The following SMC1A variants were observed in gnomAD, a reference collection of about 807,000 sequenced individuals.
SMC1A encodes the protein structural maintenance of chromosomes 1A, also known as structural maintenance of chromosomes protein 1A.
A neutral mutation model predicts 94.5 loss-of-function variants in SMC1A; 4 were observed. The ratio of observed to expected loss-of-function variants is 0.04; its 90% CI spans 0.02 to 0.10. The LOEUF (loss-of-function observed/expected upper bound fraction) is 0.10, where lower values mean the gene tolerates loss of function less well. SMC1A is among the 10% of genes least tolerant of loss of function. SMC1A has a pLI of 1.00. For synonymous variants in SMC1A, 345 were observed against 347.7 expected, an observed-to-expected ratio of 0.99 and a Z score of 0.09; for missense variants, 304 against 989.0, an observed-to-expected ratio of 0.31 and a Z score of 9.29.
chrX:53,387,955 T>A (rs986817440), intron 19 of SMC1A, among the ~76,000 whole-genome samples: 1 of 111,277 alleles, frequency 9.0e-6, no homozygotes. Context: ...ATCAAGCATA[T>A]ATAGCCTGCC....
chrX:53,419,227 G>A (rs782221512), intron 1 of SMC1A, among the ~76,000 whole-genome samples: 18 of 109,291 alleles, frequency 1.6e-4, no homozygotes, highest in Non-Finnish European at 2.5e-4. Flanking sequence ...CCATAGAGAC[G>A]GTATAAGACT....
In SMC1A at chrX:53,421,962, G is replaced by A. The variant is rs2075758786; in HGVS notation, c.109+530C>T. On this transcript the variant is annotated intron_variant, in intron 1 of 24. Transcript: ENST00000322213. ...TTCTAAAGACTGGAGCGCTGGGTCT[G>A]AAATTCAAAAGTGCCGCCTCCAGAG... 3 of 1,210,217 alleles carry A rather than the reference G, an allele frequency of 2.5e-6. No individual in the cohort carries two copies. The East Asian group carries it at 8.9e-5, about 36-fold the overall frequency.
chrX:53,409,532 G>A, intron 7 of SMC1A, 29 bp from the exon 8 acceptor site: 1 of 1,150,863 alleles, frequency 8.7e-7, no homozygotes. Flanking sequence ...ATCATCAGGG[G>A]CTGCACGAGT....
chrX:53,413,883 C>A (rs2075722337), intron 3 of SMC1A, among the ~76,000 whole-genome samples: 1 of 110,326 alleles, frequency 9.1e-6, no homozygotes, highest in East Asian at 2.8e-4. Context: ...TCAAGACCAG[C>A]CTAGCCAAAA....
chrX:53,395,167 ACT>A (rs1411128587), intron 18 of SMC1A, among the ~76,000 whole-genome samples: 1 of 111,364 alleles, frequency 9.0e-6, no homozygotes, highest in East Asian at 2.8e-4. Flanking sequence ...ACATAATGAA[ACT>A]CTGTCTCTAC....
At chrX:53,400,644 A>C (rs1179027046) in intron 15 of SMC1A, among the ~76,000 whole-genome samples, 1 of 111,319 alleles carries the variant, frequency 9.0e-6, no homozygotes, top group Admixed American at 9.6e-5. Context: ...GGATAGTACA[A>C]AAACATGGAG....
intron 19 of SMC1A, among the ~76,000 whole-genome samples, chrX:53,386,759 G>A (rs1173407129): frequency 9.1e-6 from 1 of 109,687 alleles, no homozygotes; most frequent in African/African-American, 3.3e-5. Context: ...AATTAAAGCT[G>A]GAAAAAAAAT....
intron 7 of SMC1A, among the ~76,000 whole-genome samples, chrX:53,410,882 ATG>A (rs2075708779): frequency 1.1e-5 from 1 of 91,229 alleles, no homozygotes; most frequent in Non-Finnish European, 2.1e-5. Context: ...AGCTGAGATC[ATG>A]CCACTGCACT....
intron 15 of SMC1A, among the ~76,000 whole-genome samples, chrX:53,403,359 T>C (rs1266685441): frequency 9.1e-6 from 1 of 110,290 alleles, no homozygotes; most frequent in African/African-American, 3.3e-5. Context: ...AATCCAGGAA[T>C]CCAGAAAATC....
At position 53,405,011 on chromosome X, in the gene SMC1A, C is replaced by T; in HGVS notation, c.2196+1G>A. The T allele has an allele frequency of 8.4e-7, 1 of 1,197,458 alleles. No individual in the cohort carries two copies. The highest frequency in any genetic ancestry group is 1.1e-6 in the Non-Finnish European group (1 of 888,894). On this transcript the variant is annotated splice_donor_variant, in intron 13 of 24. Transcript: ENST00000322213. LOFTEE classifies it high-confidence loss of function. Reference sequence around the variant, plus strand: ...GAACAGGGCTGAAGGCCAGGCCCCACCTGCAGATTCAGGGCTAGATGTCGT... The same window carrying T: ...GAACAGGGCTGAAGGCCAGGCCCCATCTGCAGATTCAGGGCTAGATGTCGT...
intron 9 of SMC1A, among the ~76,000 whole-genome samples, chrX:53,407,705 T>G (rs12862053): frequency 9.0e-6 from 1 of 111,367 alleles, no homozygotes; most frequent in Non-Finnish European, 1.9e-5. Flanking sequence ...AGAGCTGAAG[T>G]GAATTATAGG....
chrX:53,421,614 A>G (rs2075756279), intron 1 of SMC1A, among the ~76,000 whole-genome samples: 1 of 111,514 alleles, frequency 9.0e-6, no homozygotes, highest in South Asian at 3.8e-4. Context: ...ACCCTTTCTA[A>G]AGACACCACC....
At chrX:53,402,885 A>AAAAAAAAAAAAAAAAAAAAAG (rs1447321369) in intron 15 of SMC1A, among the ~76,000 whole-genome samples, 5 of 86,974 alleles carry the variant, frequency 5.7e-5, no homozygotes, top group East Asian at 3.9e-4. Context: ...AAAAAAAAAA[A>AAAAAAAAAAAAAAAAAAAAAG]GGGCCGGCAA....
chrX:53,380,133 T>C lies in SMC1A; in HGVS notation c.3672A>G (p.Pro1224=). ...GCTCATTGGGGTTGGGGTTGGCATC[T>C]GGGTACTTGGTGAGGTCGAAGGTCA... ...KVLTFDLTKY[P]DANPNPNEQ is the part of the protein sequence containing the mutation. The change falls in exon 25 of 25, where the codon CCA becomes CCG. Residue 1224 remains proline, a synonymous_variant. Transcript: ENST00000322213. The C allele has an allele frequency of 8.3e-7, 1 of 1,209,203 alleles. No individual in the cohort carries two copies. The highest frequency in any genetic ancestry group is 1.1e-6 in the Non-Finnish European group (1 of 893,884).
chrX:53,417,065 C>CATGAGCCA (rs1556891392), intron 1 of SMC1A, among the ~76,000 whole-genome samples: 1 of 110,243 alleles, frequency 9.1e-6, no homozygotes. Flanking sequence ...GGATTACAGG[C>CATGAGCCA]ATGAGCCACC....
chrX:53,389,238 A>C (rs1212672754), intron 19 of SMC1A, among the ~76,000 whole-genome samples: 4 of 109,566 alleles, frequency 3.7e-5, no homozygotes, highest in Non-Finnish European at 5.7e-5. Context: ...ACAACAACAA[A>C]AAAATAGTGC....
At chrX:53,387,779 T>C (rs1203027733) in intron 19 of SMC1A, among the ~76,000 whole-genome samples, 1 of 111,319 alleles carries the variant, frequency 9.0e-6, no homozygotes, top group Non-Finnish European at 1.9e-5. Flanking sequence ...GAGTCACCAT[T>C]GGCCAAAGAT....
intron 5 of SMC1A, 23 bp downstream of exon 5, chrX:53,412,877 G>T (rs782782062): frequency 8.3e-7 from 1 of 1,209,154 alleles, no homozygotes. Flanking sequence ...CCCACAAGTT[G>T]CAGGCCCAGG....
intron 1 of SMC1A, among the ~76,000 whole-genome samples, chrX:53,418,165 CTTATT>C (rs1302742578): frequency 1.6e-4 from 18 of 112,496 alleles, no homozygotes; most frequent in African/African-American, 4.8e-4. Flanking sequence ...GTTTCATTTA[CTTATT>C]TTATTTATTT....
Sources: allele counts gnomAD v4.1 joint callset (sites outside exome capture counted in the v4.1 genomes callset), GRCh38; gene constraint gnomAD v4.1.1; transcripts MANE v1.5; gene names NCBI Gene and HGNC (gene_info 2026-07-23, HGNC 2026-07-21).